Variants in IFT140 observed in about 807,000 individuals in gnomAD.
IFT140 encodes intraflagellar transport 140, also known as intraflagellar transport protein 140 homolog.
In IFT140, 133 loss-of-function variants were observed where a neutral mutation model predicts 164.6. That is an observed-to-expected ratio of 0.81 (90% confidence interval 0.70 to 0.93). The LOEUF (loss-of-function observed/expected upper bound fraction) is 0.93, where lower values mean the gene tolerates loss of function less well. IFT140 is among the 40% of genes least tolerant of loss of function. IFT140 has a pLI of 0.00. For missense variants in IFT140, 2,045 were observed against 1,972.3 expected (o/e 1.04, Z -0.70); for synonymous variants, 860 against 817.3 (o/e 1.05, Z -0.89).
At chr16:1,542,547 G>T (rs1382225805) in intron 19 of IFT140, among the ~76,000 whole-genome samples, 1 of 152,240 alleles carries the variant, frequency 6.6e-6, no homozygotes, top group East Asian at 1.9e-4. Context: ...GGCCTAGGAA[G>T]GCCAAGGCAT....
intron 19 of IFT140, among the ~76,000 whole-genome samples, chr16:1,528,432 T>C (rs1221325032): frequency 4.8e-5 from 5 of 103,470 alleles, no homozygotes; most frequent in African/African-American, 2.0e-4. Context: ...CACACACAGA[T>C]GCACACACAC....
Position 1,553,186 on chromosome 16 carries a change from C to G in IFT140, c.2399+4749G>C. The G allele has an allele frequency of 1.0e-6, 1 of 985,120 alleles. No homozygotes were observed. The highest frequency in any genetic ancestry group is 4.7e-5 in the South Asian group (1 of 21,278). The allele number at this position is 985,120 out of a possible 1,614,324, so 61.0% of individuals were successfully genotyped here. A position where few individuals can be genotyped will look rare whatever the true frequency, so the allele number is the denominator to read the frequency against. The stretch of plus-strand genomic sequence containing the variant: ...GTTACCCATCTCTTGCTCTCTGTCT[C>G]TCCTTCCCTGTGTCTCTGTCTCTGT... On this transcript the variant is annotated intron_variant, in intron 19 of 30. Coordinates refer to ENST00000426508, the MANE Select transcript of IFT140 (RefSeq NM_014714.4). This position sits in a 1 kb window ranked among gnomAD's most constrained non-coding sequence, Gnocchi z 4.4.
At chr16:1,576,199 C>A (rs1270288931) in intron 13 of IFT140, among the ~76,000 whole-genome samples, 1 of 147,564 alleles carries the variant, frequency 6.8e-6, no homozygotes, top group Non-Finnish European at 1.5e-5. Context: ...GAAAGGAGAA[C>A]TGCTTGAACC....
rs775525367 is a variant in IFT140, at chr16:1,533,875, G to A, written c.2400-7079C>T. On this transcript the variant is annotated intron_variant, in intron 19 of 30. Transcript: ENST00000426508. This position sits in a 1 kb window ranked among gnomAD's most constrained non-coding sequence, Gnocchi z 4.7. ...GCAGGCCGGTGCTAAGGAGTGTGGC[G>A]CGGGCTCGACTCCCACTGCTGCCGG... is the stretch of plus-strand genomic sequence containing the variant. 1.8e-5 allele frequency: 5 copies of A among 276,764 alleles called. No individual in the cohort carries two copies. Among genetic ancestry groups the A allele is most frequent in the Admixed American group, 5.4e-5 (1 of 18,414 alleles). The allele number at this position is 276,764 out of a possible 1,614,324, so 17.1% of individuals were successfully genotyped here.
intron 30 of IFT140, among the ~76,000 whole-genome samples, chr16:1,515,596 C>T (rs1226349780): frequency 6.6e-6 from 1 of 152,082 alleles, no homozygotes; most frequent in African/African-American, 2.4e-5. Context: ...TGGGGTCTCA[C>T]TTGTTACCCA....
chr16:1,520,312 G>A lies in IFT140; in HGVS notation c.3692C>T (p.Thr1231Met), dbSNP rs766748367. 2.4e-5 allele frequency: 39 copies of A among 1,614,082 alleles called. No individual in the cohort carries two copies. Among genetic ancestry groups the A allele is most frequent in the South Asian group, 5.5e-5 (5 of 91,094 alleles). ...GCTCGCGAAGAACGTGATTTTCTCC[G>A]TGTCTCCGGATTTGAGCAGCGCCCT... is the stretch of plus-strand genomic sequence containing the variant. ...AMRALLKSGDTEKITFFASVS... is the reference protein window; with the variant it reads ...AMRALLKSGDMEKITFFASVS... Residue 1231 changes from threonine to methionine, a missense_variant, in exon 28 of 31, where the codon ACG (threonine) becomes ATG (methionine). Thr to Met is a moderately conservative substitution (Grantham distance 81). Transcript: ENST00000426508.
At position 1,584,347 on chromosome 16, in the gene IFT140, G is replaced by A. The variant is rs762512865; in HGVS notation, c.1229C>T (p.Ser410Leu). 33 of 1,613,224 alleles carry A rather than the reference G, an allele frequency of 2.0e-5. No homozygotes were observed. Among genetic ancestry groups the A allele is most frequent in the East Asian group, 4.5e-5 (2 of 44,882 alleles). Residue 410 changes from serine to leucine, a missense_variant, in exon 11 of 31, where the codon TCG becomes TTG. Transcript: ENST00000426508. ...GGCCACTTGCTGGTGGAAGTGTGAC[G>A]ACATGGCCCGCTCGCTGAGGATGGC... ...SVAILSERAMSSHFHQQVAAM... is the reference protein window; with the variant it reads ...SVAILSERAMLSHFHQQVAAM...
At chr16:1,555,678 T>C (rs1332911439) in intron 19 of IFT140, 1 of 152,394 alleles carries the variant, frequency 6.6e-6, no homozygotes. Context: ...CAAAAAGACC[T>C]TTTCAGAGAC....
At position 1,525,314 on chromosome 16, in the gene IFT140, C is replaced by T. The variant is rs773225207; in HGVS notation, c.2781G>A (p.Ser927=). 2.7e-5 allele frequency: 43 copies of T among 1,611,830 alleles called. No individual in the cohort carries two copies. Among genetic ancestry groups the T allele is most frequent in the African/African-American group, 5.3e-5 (4 of 75,048 alleles). ...CSRALSYYEK[S]DTHRFEVPRM... is the part of the protein sequence containing the mutation. ...TGGGCACCTCGAAGCGGTGCGTGTC[C>T]GACTTCTCGTAGCTGTGAGAGAAGG... is the stretch of plus-strand genomic sequence containing the variant. The change falls in exon 22 of 31, where the codon TCG becomes TCA. Residue 927 remains serine (S), a synonymous_variant. Transcript: ENST00000426508.
At chr16:1,548,244 C>T (rs2032336768) in intron 19 of IFT140, among the ~76,000 whole-genome samples, 1 of 152,148 alleles carries the variant, frequency 6.6e-6, no homozygotes, top group Admixed American at 6.5e-5. Context: ...CCAGTTGCAC[C>T]CAGTTTGCTA....
intron 19 of IFT140, 52 bp from the exon 20 acceptor site, chr16:1,526,848 CT>C (rs1160664431): frequency 1.3e-6 from 2 of 1,539,678 alleles, no homozygotes; most frequent in Non-Finnish European, 1.8e-6. Flanking sequence ...TCAGGGCCCC[CT>C]GGCCCTACGG....
At chr16:1,515,830 G>A (rs896569923) in intron 30 of IFT140, among the ~76,000 whole-genome samples, 1 of 152,212 alleles carries the variant, frequency 6.6e-6, no homozygotes, top group Non-Finnish European at 1.5e-5. Flanking sequence ...AGCTCAGGCT[G>A]AAGAGGAGTG....
At chr16:1,543,402 G>A (rs928123012) in intron 19 of IFT140, among the ~76,000 whole-genome samples, 15 of 152,184 alleles carry the variant, frequency 9.9e-5, no homozygotes, top group African/African-American at 3.1e-4. Flanking sequence ...GAGTCAGGCC[G>A]GGCTCTCTGA....
At chr16:1,611,328 G>C (rs1362820827) in intron 1 of IFT140, among the ~76,000 whole-genome samples, 4 of 152,090 alleles carry the variant, frequency 2.6e-5, no homozygotes, top group African/African-American at 9.7e-5. Context: ...AACAAGGCGA[G>C]ATCCTGTCTC....
At chr16:1,579,040 C>T (rs774464704) in intron 13 of IFT140, among the ~76,000 whole-genome samples, 7 of 152,152 alleles carry the variant, frequency 4.6e-5, no homozygotes, top group Non-Finnish European at 8.8e-5. Context: ...TTCCCCAAAA[C>T]GTTAACTAGT....
At chr16:1,565,246 A>G (rs1204865263) in intron 16 of IFT140, among the ~76,000 whole-genome samples, 1 of 152,166 alleles carries the variant, frequency 6.6e-6, no homozygotes, top group East Asian at 1.9e-4. Flanking sequence ...GAGCGGCCCA[A>G]GAACAGTGGC....
At chr16:1,593,780 G>C (rs1411685807) in intron 4 of IFT140, among the ~76,000 whole-genome samples, 1 of 152,056 alleles carries the variant, frequency 6.6e-6, no homozygotes, top group African/African-American at 2.4e-5. Context: ...CATTGACCTC[G>C]ACCACCTGGT....
At position 1,584,305 on chromosome 16, in the gene IFT140, G is replaced by A. The variant is rs780657545; in HGVS notation, c.1271C>T (p.Pro424Leu). 3.5e-5 allele frequency: 57 copies of A among 1,613,606 alleles called. No homozygotes were observed. The highest frequency in any genetic ancestry group is 6.7e-5 in the African/African-American group (5 of 74,888). ...CAGGAAGCACACATTCAGCAGACTCGGGGAGACCTGCATGGCGGCCACTTG... is the reference window on the plus strand; with the variant it reads ...CAGGAAGCACACATTCAGCAGACTCAGGGAGACCTGCATGGCGGCCACTTG... ...HQQVAAMQVS[P>L]SLLNVCFLST... is the part of the protein sequence containing the mutation. The change falls in exon 11 of 31, where the codon CCG becomes CTG. Residue 424 changes from proline (P) to leucine (L), a missense_variant. Physicochemically the swap from Pro to Leu is moderately conservative, Grantham distance 98 (BLOSUM62 -3). Transcript: ENST00000426508.
rs773555716 is a variant in IFT140, at chr16:1,526,613, CCT to C, written c.2577+4_2577+5del. On this transcript the variant is annotated splice_donor_5th_base_variant and intron_variant, in intron 20 of 30. Coordinates refer to ENST00000426508, the MANE Select transcript of IFT140 (RefSeq NM_014714.4). ...TCCCACCCACCCCATGGCGGGCGCC[CCT>C]CACCAGCATGCCCAGCTGCGTGGCC... 14 of 1,539,904 alleles carry C rather than the reference CCT, an allele frequency of 9.1e-6. No individual in the cohort carries two copies. Among genetic ancestry groups the C allele is most frequent in the Non-Finnish European group, 1.2e-5 (14 of 1,152,326 alleles).
Sources: allele counts gnomAD v4.1 joint callset (sites outside exome capture counted in the v4.1 genomes callset), GRCh38; gene constraint gnomAD v4.1.1; non-coding constraint Gnocchi (gnomAD v3.1); transcripts MANE v1.5; gene names NCBI Gene and HGNC (gene_info 2026-07-23, HGNC 2026-07-21).